AK5: variants seen among roughly 807,000 people sequenced by gnomAD.
The protein encoded by AK5 is adenylate kinase 5.
In AK5, 27 loss-of-function variants were observed where a neutral mutation model predicts 69.5. The ratio of observed to expected loss-of-function variants is 0.39; its 90% confidence interval spans 0.29 to 0.54. The LOEUF (loss-of-function observed/expected upper bound fraction) is 0.54. Among genes scored for constraint, AK5 ranks in the 20% least tolerant of loss-of-function variants. The pLI is 0.71. For synonymous variants in AK5, 260 were observed against 244.4 expected, an observed-to-expected ratio of 1.06 and a Z score of -0.60; for missense variants, 531 against 700.4, an observed-to-expected ratio of 0.76 and a Z score of 2.73.
intron 5 of AK5, chr1:77,314,205 A>G (rs2100302094): frequency 7.1e-6 from 2 of 283,074 alleles, no homozygotes; most frequent in South Asian, 3.6e-5. Context: ...GAGGCTGGAG[A>G]ATCTGCTCCA....
intron 8 of AK5, among the ~76,000 whole-genome samples, chr1:77,465,541 T>G (rs968116476): frequency 6.6e-6 from 1 of 152,222 alleles, no homozygotes; most frequent in African/African-American, 2.4e-5. Context: ...TGCTGCATAC[T>G]GGGCTGAATG....
intron 6 of AK5, among the ~76,000 whole-genome samples, chr1:77,360,805 A>G (rs1453166126): frequency 6.6e-6 from 1 of 152,180 alleles, no homozygotes; most frequent in African/African-American, 2.4e-5. Flanking sequence ...CAAAACCAGC[A>G]ATTCAGCTAA....
chr1:77,483,500 C>A, intron 9 of AK5, 141 bp downstream of exon 9: 1 of 700,588 alleles, frequency 1.4e-6, no homozygotes, highest in Non-Finnish European at 2.5e-6. Context: ...AAGAGTAGAA[C>A]TCTTTGGGTC....
chr1:77,367,485 T>A (rs56099019), intron 6 of AK5, among the ~76,000 whole-genome samples: 1,411 of 120,060 alleles, frequency 0.012, 28 homozygotes, highest in African/African-American at 0.038. Flanking sequence ...CCTGGCTAGT[T>A]TTTTTTTGTT....
intron 8 of AK5, among the ~76,000 whole-genome samples, chr1:77,470,866 TATATA>T (rs1654455952): frequency 1.2e-3 from 4 of 3,418 alleles, no homozygotes; most frequent in African/African-American, 3.0e-3. Context: ...TATATATATA[TATATA>T]TATATTTTTT....
intron 6 of AK5, among the ~76,000 whole-genome samples, chr1:77,343,220 T>C (rs943010902): frequency 1.3e-5 from 2 of 152,122 alleles, no homozygotes; most frequent in African/African-American, 2.4e-5. Flanking sequence ...AAATAGACTG[T>C]CTCCACACTC....
intron 8 of AK5, among the ~76,000 whole-genome samples, chr1:77,447,709 GA>G (rs1428134637): frequency 6.6e-6 from 1 of 152,148 alleles, no homozygotes; most frequent in African/African-American, 2.4e-5. Context: ...GCCTAATAAA[GA>G]AAAGGAATTA....
intron 12 of AK5, among the ~76,000 whole-genome samples, chr1:77,522,686 G>T (rs17100672): frequency 0.17 from 25,444 of 151,932 alleles, 2,265 homozygotes; most frequent in South Asian, 0.25. Context: ...CATTGTGGCT[G>T]CCACGTATTG....
chr1:77,425,678 T>A (rs1279715947), intron 8 of AK5, among the ~76,000 whole-genome samples: 2 of 152,312 alleles, frequency 1.3e-5, no homozygotes, highest in South Asian at 2.1e-4. Flanking sequence ...TAAGTGAAGA[T>A]AAAATAAAGA....
intron 6 of AK5, among the ~76,000 whole-genome samples, chr1:77,350,066 C>T (rs995416420): frequency 2.6e-5 from 4 of 152,166 alleles, no homozygotes; most frequent in Non-Finnish European, 5.9e-5. Context: ...TCCAGGGTAC[C>T]ACAGCAGGCA....
chr1:77,509,389 G>C (rs1049627974), intron 10 of AK5, among the ~76,000 whole-genome samples: 7 of 152,192 alleles, frequency 4.6e-5, no homozygotes, highest in African/African-American at 1.7e-4. Flanking sequence ...TTCGGTCCAA[G>C]AGTGTCAGTT....
chr1:77,425,814 A>G (rs1015989341), intron 8 of AK5, among the ~76,000 whole-genome samples: 1 of 152,216 alleles, frequency 6.6e-6, no homozygotes, highest in Non-Finnish European at 1.5e-5. Flanking sequence ...AATGAGAGCA[A>G]TGATACAAAG....
intron 8 of AK5, among the ~76,000 whole-genome samples, chr1:77,450,418 T>C (rs1483823262): frequency 1.4e-4 from 22 of 152,146 alleles, no homozygotes; most frequent in Admixed American, 1.4e-3. Context: ...TCTAACCAAA[T>C]GAGAACACAC....
At chr1:77,287,437 C>A (rs3962875) in intron 2 of AK5, among the ~76,000 whole-genome samples, 9,037 of 152,256 alleles carry the variant, frequency 0.059, 440 homozygotes, top group South Asian at 0.2. Context: ...AACAAGATTT[C>A]TCCAAATAAA....
intron 6 of AK5, among the ~76,000 whole-genome samples, chr1:77,352,770 A>T (rs1171758000): frequency 6.6e-6 from 1 of 152,222 alleles, no homozygotes; most frequent in Non-Finnish European, 1.5e-5. Context: ...AAGGAAGTGA[A>T]GAAAAGAAAA....
chr1:77,314,485 T>G (rs1380831775), intron 5 of AK5: 5 of 152,680 alleles, frequency 3.3e-5, no homozygotes, highest in Admixed American at 1.3e-4. Flanking sequence ...AAGATATTAT[T>G]TTTTGTACTT....
intron 6 of AK5, among the ~76,000 whole-genome samples, chr1:77,359,876 G>A (rs1389272417): frequency 6.6e-6 from 1 of 152,142 alleles, no homozygotes; most frequent in Non-Finnish European, 1.5e-5. Flanking sequence ...AATATCAGAA[G>A]TTGTCCAAAG....
rs189498744 is a variant in AK5 at position 77,497,227 on chromosome 1, C to A, written c.1147+10875C>A. On this transcript the variant is annotated intron_variant, in intron 10 of 13. Transcript: ENST00000354567. ...CTGTAACGCTCACTGCGAAGGTCTGCGGCTTCACTCCTGAAGTCCCCGAGA... is the reference window on the plus strand; with the variant it reads ...CTGTAACGCTCACTGCGAAGGTCTGAGGCTTCACTCCTGAAGTCCCCGAGA... Among the ~76,000 whole-genome samples, 1,372 of 152,234 alleles carry A rather than the reference C, an allele frequency of 9.0e-3. 8 individuals carry two copies. The highest frequency in any genetic ancestry group is 0.015 in the Non-Finnish European group (1,052 of 68,004).
At chr1:77,369,947 T>C (rs1286770576) in intron 6 of AK5, among the ~76,000 whole-genome samples, 7 of 152,246 alleles carry the variant, frequency 4.6e-5, no homozygotes, top group Non-Finnish European at 1.0e-4. Context: ...ATTTGCAATA[T>C]GGCATTTGCT....
Sources: allele counts gnomAD v4.1 joint callset (sites outside exome capture counted in the v4.1 genomes callset), GRCh38; gene constraint gnomAD v4.1.1; transcripts MANE v1.5; gene names NCBI Gene and HGNC (gene_info 2026-07-23, HGNC 2026-07-21).